The following CCDC13 variants were observed in gnomAD, a reference collection of about 807,000 sequenced individuals.
The protein encoded by CCDC13 is coiled-coil domain-containing protein 13.
In CCDC13, 70 loss-of-function variants were observed where a neutral mutation model predicts 87.3. The ratio of observed to expected loss-of-function variants is 0.80; its 90% CI spans 0.66 to 0.98. The LOEUF (loss-of-function observed/expected upper bound fraction) is 0.98, where lower values mean the gene tolerates loss of function less well. Ranked by LOEUF, CCDC13 falls within the 50% of genes least tolerant of loss-of-function variation. The pLI, the probability that CCDC13 is intolerant of heterozygous loss-of-function variation, is 0.00. For synonymous variants in CCDC13, 317 were observed against 360.3 expected (o/e 0.88, Z 1.36); for missense variants, 842 against 892.0 (o/e 0.94, Z 0.71).
chr3:42,748,171 T>C (rs776260259), intron 5 of CCDC13, among the ~76,000 whole-genome samples: 16 of 152,202 alleles, frequency 1.1e-4, no homozygotes, highest in Non-Finnish European at 2.2e-4. Flanking sequence ...TAGACACTCC[T>C]GTGACTCATA....
intron 7 of CCDC13, chr3:42,745,705 G>A (rs1699372941): frequency 2.4e-6 from 1 of 420,916 alleles, no homozygotes; most frequent in Non-Finnish European, 4.3e-6. Context: ...TGCCTGGCAT[G>A]TGCTAAGTGT....
At chr3:42,758,858 G>A (rs1050143536) in intron 1 of CCDC13, among the ~76,000 whole-genome samples, 10 of 151,956 alleles carry the variant, frequency 6.6e-5, no homozygotes, top group African/African-American at 2.4e-4. Context: ...CCTCTGTGGT[G>A]ACCACCCAGA....
At chr3:42,750,911 C>A (rs1454630676) in intron 5 of CCDC13, among the ~76,000 whole-genome samples, 1 of 152,178 alleles carries the variant, frequency 6.6e-6, no homozygotes, top group Non-Finnish European at 1.5e-5. Context: ...TTAGCAGTGT[C>A]CCCTGAAGCC....
At chr3:42,734,183 C>A (rs1242013514) in intron 10 of CCDC13, among the ~76,000 whole-genome samples, 1 of 152,188 alleles carries the variant, frequency 6.6e-6, no homozygotes, top group Non-Finnish European at 1.5e-5. Flanking sequence ...AGCAGGAGGT[C>A]AGGCCACCAG....
In CCDC13 at chr3:42,732,895, G is replaced by C; in HGVS notation, c.1587C>G (p.Thr529=). 1 of 1,553,096 alleles carries C rather than the reference G, an allele frequency of 6.4e-7. No homozygotes were observed. Among genetic ancestry groups the C allele is most frequent in the African/African-American group, 1.4e-5 (1 of 73,300 alleles). The part of the protein sequence containing the change: ...TRPSLPSPHR[T]SPRFSDSPEQ... ...GGGTCGGGGGTCCATACCTAGGTGA[G>C]GTCCTGTGGGGACTGGGCAGGGAAG... The change falls in exon 12 of 16, where the codon ACC becomes ACG. Residue 529 remains threonine, a synonymous_variant. Coordinates refer to ENST00000310232, the MANE Select transcript of CCDC13 (RefSeq NM_144719.4).
At chr3:42,739,106 G>C (rs751864168) in intron 9 of CCDC13, among the ~76,000 whole-genome samples, 1 of 152,158 alleles carries the variant, frequency 6.6e-6, no homozygotes, top group Non-Finnish European at 1.5e-5. Context: ...TTTATAGTCA[G>C]ATAAACCTGC....
At chr3:42,734,947 T>G (rs1018305998) in intron 10 of CCDC13, among the ~76,000 whole-genome samples, 6 of 152,234 alleles carry the variant, frequency 3.9e-5, no homozygotes, top group Non-Finnish European at 8.8e-5. Context: ...GTGTGCTTGC[T>G]CCAGTGCCAG....
chr3:42,740,907 T>C (rs1309373635), intron 8 of CCDC13: 1 of 152,194 alleles, frequency 6.6e-6, no homozygotes, highest in Non-Finnish European at 1.5e-5. Context: ...CATGAATCTA[T>C]AGGACACAAG....
At position 42,751,961 on chromosome 3, in the gene CCDC13, C is replaced by G; in HGVS notation, c.578G>C (p.Arg193Thr). Residue 193 changes from arginine to threonine, a missense_variant, in exon 5 of 16, where the codon AGG becomes ACG. Physicochemically the swap from Arg to Thr is moderately conservative, Grantham distance 71 (BLOSUM62 -1). Transcript: ENST00000310232. ...CAATGCTCTGTCTCCCATCTGGGCC[C>G]TCGGTGGCTTGGCTCCTGCGTCGGT... is the stretch of plus-strand genomic sequence containing the variant. ...GATDAGAKPPRAQMGDRALLE... is the reference protein window; with the variant it reads ...GATDAGAKPPTAQMGDRALLE... The G allele has an allele frequency of 6.2e-7, 1 of 1,611,976 alleles. No homozygotes were observed. Among genetic ancestry groups the G allele is most frequent in the Non-Finnish European group, 8.5e-7 (1 of 1,180,002 alleles).
intron 3 of CCDC13, among the ~76,000 whole-genome samples, chr3:42,755,195 C>T (rs1699678644): frequency 6.6e-6 from 1 of 152,130 alleles, no homozygotes; most frequent in Non-Finnish European, 1.5e-5. Context: ...CACTAGATCA[C>T]TAAAAAACTG....
At chr3:42,766,059 G>C (rs944374620) in intron 1 of CCDC13, among the ~76,000 whole-genome samples, 2 of 152,134 alleles carry the variant, frequency 1.3e-5, no homozygotes, top group Non-Finnish European at 2.9e-5. Flanking sequence ...ATGGAGGAGG[G>C]GGAAGAGGAA....
At position 42,739,659 on chromosome 3, in the gene CCDC13, T is replaced by C; in HGVS notation, c.1139A>G (p.Asp380Gly). The change falls in exon 9 of 16, where the codon GAT becomes GGT. Residue 380 changes from aspartate (D) to glycine (G), a missense_variant. By Grantham distance (94) the Asp-to-Gly change is moderately conservative. Transcript: ENST00000310232. ...CATGAGGGCGTCGATGAGCTCGTCA[T>C]CATGCCGGCCCTTCTCCACCAGGGT... is the stretch of plus-strand genomic sequence containing the variant. ...MGTLVEKGRH[D>G]DELIDALMDQ... 6.2e-7 allele frequency: 1 copy of C among 1,614,160 alleles called. No individual in the cohort carries two copies. Among genetic ancestry groups the C allele is most frequent in the Non-Finnish European group, 8.5e-7 (1 of 1,180,010 alleles).
intron 1 of CCDC13, among the ~76,000 whole-genome samples, chr3:42,767,463 T>C (rs1447119582): frequency 2.6e-5 from 4 of 152,254 alleles, no homozygotes; most frequent in Admixed American, 6.5e-5. Flanking sequence ...AGTTATCTCA[T>C]GCACATGAAT....
At chr3:42,753,054 G>A (rs947054135) in intron 3 of CCDC13, among the ~76,000 whole-genome samples, 1 of 152,172 alleles carries the variant, frequency 6.6e-6, no homozygotes, top group African/African-American at 2.4e-5. Context: ...ATTTTGCTGT[G>A]CCCTCTAATG....
intron 13 of CCDC13, among the ~76,000 whole-genome samples, chr3:42,715,721 T>G (rs899316594): frequency 2.6e-5 from 4 of 152,262 alleles, no homozygotes; most frequent in African/African-American, 9.6e-5. Flanking sequence ...GTGCAGATAC[T>G]GAACAACTCC....
chr3:42,752,786 T>A, intron 3 of CCDC13, 69 bp from the exon 4 acceptor site: 1 of 1,569,204 alleles, frequency 6.4e-7, no homozygotes, highest in Non-Finnish European at 8.7e-7. Flanking sequence ...GCTCCACCAC[T>A]AACAGCACCA....
intron 12 of CCDC13, among the ~76,000 whole-genome samples, chr3:42,732,052 C>A (rs1314455787): frequency 6.6e-6 from 1 of 152,316 alleles, no homozygotes; most frequent in African/African-American, 2.4e-5. Flanking sequence ...CTCAGAGAGG[C>A]AGAGCCTCCC....
chr3:42,744,812 A>C (rs1283946900), intron 7 of CCDC13: 1 of 152,116 alleles, frequency 6.6e-6, no homozygotes, highest in Non-Finnish European at 1.5e-5. Flanking sequence ...CTCAAAAAAA[A>C]AAAAAAAAAA....
intron 13 of CCDC13, among the ~76,000 whole-genome samples, chr3:42,723,874 C>T (rs1039509255): frequency 5.9e-5 from 9 of 151,930 alleles, no homozygotes; most frequent in Admixed American, 1.3e-4. Flanking sequence ...AAAAGGAAAA[C>T]GTACTGACAT....
Sources: gnomAD v4.1 joint callset for allele counts (sites outside exome capture counted in the v4.1 genomes callset) on GRCh38, gnomAD v4.1.1 for gene constraint, MANE v1.5 for transcripts, NCBI Gene and HGNC (gene_info 2026-07-23, HGNC 2026-07-21) for gene names.